Variants in CSMD1 observed in about 807,000 individuals in gnomAD.
The protein encoded by CSMD1 is CUB and Sushi multiple domains 1.
Under a neutral mutation model 417.5 loss-of-function variants are expected in CSMD1, and 213 were observed. That is an observed-to-expected ratio of 0.51 (90% CI 0.46 to 0.57). The LOEUF (loss-of-function observed/expected upper bound fraction) is 0.57, where lower values mean the gene tolerates loss of function less well. Ranked by LOEUF, CSMD1 falls within the 20% of genes least tolerant of loss-of-function variation. The probability of loss-of-function intolerance (pLI) is 0.00; values close to 1 mark genes in which losing one functional copy is unlikely to be tolerated. For synonymous variants in CSMD1, 2,862 were observed against 1,736.8 expected (o/e 1.65, Z -16.11); for missense variants, 6,923 against 4,529.7 (o/e 1.53, Z -15.17).
At chr8:3,258,398 A>G (rs1800813273) in intron 26 of CSMD1, among the ~76,000 whole-genome samples, 1 of 152,200 alleles carries the variant, frequency 6.6e-6, no homozygotes, top group Non-Finnish European at 1.5e-5. Context: ...ATGAGATACC[A>G]TCTCACACCA....
At chr8:2,948,624 C>T (rs341724) in intron 68 of CSMD1, among the ~76,000 whole-genome samples, 119,650 of 152,032 alleles carry the variant, frequency 0.79, 47,284 homozygotes, top group East Asian at 0.87. Context: ...GCAATTCTTT[C>T]AGCATAGATG....
chr8:3,481,818 G>T (rs1009262377), intron 11 of CSMD1, among the ~76,000 whole-genome samples: 1 of 152,142 alleles, frequency 6.6e-6, no homozygotes, highest in African/African-American at 2.4e-5. Flanking sequence ...AGGGCCTTTG[G>T]AGTGATTACA....
chr8:3,407,786 A>G (rs1812445992), intron 14 of CSMD1, 113 bp downstream of exon 14: 1 of 906,242 alleles, frequency 1.1e-6, no homozygotes. Flanking sequence ...CATAATGATT[A>G]TAAAACCTCT....
chr8:4,636,406 G>A (rs1410080220), intron 2 of CSMD1, among the ~76,000 whole-genome samples: 3 of 152,262 alleles, frequency 2.0e-5, no homozygotes, highest in African/African-American at 4.8e-5. Context: ...CGAATAGATT[G>A]TACCATTATT....
chr8:4,168,697 T>C (rs369307102), intron 3 of CSMD1, among the ~76,000 whole-genome samples: 1 of 152,148 alleles, frequency 6.6e-6, no homozygotes, highest in Non-Finnish European at 1.5e-5. Flanking sequence ...TTATTAATTC[T>C]TTTTTAAAAC....
In CSMD1 at chr8:3,295,348, G is replaced by A. The variant is rs536623700; in HGVS notation, c.3951-11002C>T. On this transcript the variant is annotated intron_variant, in intron 25 of 69. Transcript: ENST00000635120. Reference sequence around the variant, plus strand: ...TCACTGTGTTAGCCAGGAAGGTCTCGATCTCCTGACCTTGTGATCCACCCG... The same window carrying A: ...TCACTGTGTTAGCCAGGAAGGTCTCAATCTCCTGACCTTGTGATCCACCCG... Among the ~76,000 whole-genome samples, 343 of 151,970 alleles carry A rather than the reference G, an allele frequency of 2.3e-3. 2 individuals are homozygous for A. Among genetic ancestry groups the A allele is most frequent in the African/African-American group, 7.6e-3 (316 of 41,440 alleles).
intron 8 of CSMD1, among the ~76,000 whole-genome samples, chr8:3,588,370 G>A (rs891197297): frequency 5.9e-5 from 9 of 152,106 alleles, no homozygotes; most frequent in African/African-American, 2.2e-4. Flanking sequence ...AAAATGACAT[G>A]AGAGTCCTCG....
At chr8:4,674,548 T>A (rs374238704) in intron 1 of CSMD1, among the ~76,000 whole-genome samples, 1 of 152,062 alleles carries the variant, frequency 6.6e-6, no homozygotes, top group Non-Finnish European at 1.5e-5. Context: ...TTGACCATAA[T>A]AGTATTGAAC....
intron 3 of CSMD1, among the ~76,000 whole-genome samples, chr8:4,089,856 G>C (rs901273221): frequency 6.6e-6 from 1 of 152,140 alleles, no homozygotes; most frequent in Non-Finnish European, 1.5e-5. Flanking sequence ...ATGGTGGTGG[G>C]ATCTCACCAC....
At chr8:3,918,228 G>C (rs1189420443) in intron 5 of CSMD1, among the ~76,000 whole-genome samples, 1 of 151,988 alleles carries the variant, frequency 6.6e-6, no homozygotes, top group East Asian at 1.9e-4. Flanking sequence ...GGGGATTGCT[G>C]GGTCATATGG....
chr8:3,679,622 TCAA>T (rs1280682318), intron 7 of CSMD1, among the ~76,000 whole-genome samples: 1 of 152,046 alleles, frequency 6.6e-6, no homozygotes, highest in African/African-American at 2.4e-5. Flanking sequence ...ATCAGACAGA[TCAA>T]CAAGACAGCA....
At chr8:4,900,465 T>C (rs1245187916) in intron 1 of CSMD1, among the ~76,000 whole-genome samples, 1 of 152,156 alleles carries the variant, frequency 6.6e-6, no homozygotes, top group Non-Finnish European at 1.5e-5. Context: ...TATCCAGTCC[T>C]CCTACCCTTC....
At chr8:4,050,583 T>C (rs1798374064) in intron 3 of CSMD1, among the ~76,000 whole-genome samples, 1 of 152,102 alleles carries the variant, frequency 6.6e-6, no homozygotes, top group Non-Finnish European at 1.5e-5. Context: ...CTACTTTATT[T>C]CAAAATATAC....
rs79948185 is a variant in CSMD1, at chr8:3,282,513, C to A, written c.4153+1631G>T. Reference sequence around the variant, plus strand: ...ACAATTCTACCATCTGCTCTTGCCACCATTTCAAAAGATTAAGAAAATTTT... The same window carrying A: ...ACAATTCTACCATCTGCTCTTGCCAACATTTCAAAAGATTAAGAAAATTTT... On this transcript the variant is annotated intron_variant, in intron 26 of 69. Transcript: ENST00000635120. Among the ~76,000 whole-genome samples, 705 of 150,534 alleles carry A rather than the reference C, an allele frequency of 4.7e-3. 9 individuals carry two copies. The highest frequency in any genetic ancestry group is 0.017 in the African/African-American group (680 of 41,048).
intron 18 of CSMD1, among the ~76,000 whole-genome samples, chr8:3,378,303 C>A (rs1008206795): frequency 1.2e-4 from 18 of 152,108 alleles, no homozygotes; most frequent in Admixed American, 2.0e-4. Context: ...GATTCACAGT[C>A]GAATTCTCCC....
chr8:3,784,876 T>G (rs1221021739), intron 5 of CSMD1, among the ~76,000 whole-genome samples: 1 of 152,232 alleles, frequency 6.6e-6, no homozygotes, highest in Non-Finnish European at 1.5e-5. Flanking sequence ...ATGTTAACAT[T>G]TGCTTAAAAT....
intron 3 of CSMD1, among the ~76,000 whole-genome samples, chr8:4,254,452 T>C (rs1714764): frequency 0.99 from 150,331 of 152,302 alleles, 74,224 homozygotes; most frequent in Non-Finnish European, 1. Context: ...CAATGATCAC[T>C]AAGCGACATT....
chr8:3,296,528 T>G (rs1218841228), intron 25 of CSMD1, among the ~76,000 whole-genome samples: 6 of 152,194 alleles, frequency 3.9e-5, no homozygotes, highest in African/African-American at 1.4e-4. Context: ...ACCAACAATT[T>G]AAAGAACTGG....
intron 10 of CSMD1, among the ~76,000 whole-genome samples, chr8:3,501,038 A>G (rs1454222554): frequency 6.6e-6 from 1 of 152,230 alleles, no homozygotes; most frequent in Non-Finnish European, 1.5e-5. Context: ...CCTTGACAAA[A>G]TATTAATTTA....
Sources: allele counts gnomAD v4.1 joint callset (sites outside exome capture counted in the v4.1 genomes callset), GRCh38; gene constraint gnomAD v4.1.1; transcripts MANE v1.5; gene names NCBI Gene and HGNC (gene_info 2026-07-23, HGNC 2026-07-21).